The following PLEKHA6 variants were observed in gnomAD, a reference collection of about 807,000 sequenced individuals.
The protein encoded by PLEKHA6 is pleckstrin homology domain containing A6.
In PLEKHA6, 60 loss-of-function variants were observed where a neutral mutation model predicts 116.7. The ratio of observed to expected loss-of-function variants is 0.51; its 90% confidence interval spans 0.42 to 0.64. The LOEUF (loss-of-function observed/expected upper bound fraction) is 0.64, where lower values mean the gene tolerates loss of function less well. PLEKHA6 is among the 30% of genes least tolerant of loss of function. The pLI, the probability that PLEKHA6 is intolerant of heterozygous loss-of-function variation, is 0.00. For synonymous variants in PLEKHA6, 489 were observed against 556.1 expected (o/e 0.88, Z 1.70); for missense variants, 1,338 against 1,422.7 (o/e 0.94, Z 0.96).
chr1:204,310,055 A>G (rs956758303), intron 1 of PLEKHA6, among the ~76,000 whole-genome samples: 4 of 151,918 alleles, frequency 2.6e-5, no homozygotes, highest in African/African-American at 9.7e-5. Context: ...CCAAATATAA[A>G]CCCCATTCTT....
chr1:204,256,583 C>T (rs761986715), intron 9 of PLEKHA6, among the ~76,000 whole-genome samples: 1 of 152,172 alleles, frequency 6.6e-6, no homozygotes, highest in Admixed American at 6.6e-5. Context: ...CCCTCCTCCA[C>T]GGGCTGTGTC....
chr1:204,244,309 T>A lies in PLEKHA6; in HGVS notation c.2172+555A>T, dbSNP rs1401955832. On this transcript the variant is annotated intron_variant, in intron 15 of 22. Coordinates refer to ENST00000272203, the MANE Select transcript of PLEKHA6 (RefSeq NM_014935.5). ...ACCACGCTCAGCTAATTTTTGTATTTTTTTTTTTTTTTTAGTAAAGATGGG... is the reference window on the plus strand; with the variant it reads ...ACCACGCTCAGCTAATTTTTGTATTATTTTTTTTTTTTTAGTAAAGATGGG... 2.7e-5 allele frequency among the ~76,000 whole-genome samples: 4 copies of A among 147,220 alleles called. No individual in the cohort carries two copies. The East Asian group carries it at 7.9e-4, about 29-fold the overall frequency.
intron 1 of PLEKHA6, among the ~76,000 whole-genome samples, chr1:204,350,822 A>T (rs1450806624): frequency 6.6e-6 from 1 of 152,116 alleles, no homozygotes; most frequent in African/African-American, 2.4e-5. Context: ...GGCCAAGACG[A>T]CTCACACTGC....
chr1:204,253,685 C>G (rs1309002228), intron 9 of PLEKHA6, among the ~76,000 whole-genome samples: 3 of 151,912 alleles, frequency 2.0e-5, no homozygotes, highest in African/African-American at 2.4e-5. Flanking sequence ...TTTAATTAGC[C>G]AGGTGTGGTG....
chr1:204,357,095 AAG>A (rs1283736166), intron 1 of PLEKHA6, among the ~76,000 whole-genome samples: 1 of 152,238 alleles, frequency 6.6e-6, no homozygotes, highest in Non-Finnish European at 1.5e-5. Context: ...GACCACGTAA[AAG>A]AGAGAGGTGA....
At chr1:204,310,832 G>A (rs936797757) in intron 1 of PLEKHA6, among the ~76,000 whole-genome samples, 1 of 152,156 alleles carries the variant, frequency 6.6e-6, no homozygotes, top group Non-Finnish European at 1.5e-5. Context: ...AAAGACTTTG[G>A]GAGAAAAAAT....
chr1:204,367,247 G>A (rs1489495296), intron 3 of PLEKHA6, among the ~76,000 whole-genome samples: 2 of 152,216 alleles, frequency 1.3e-5, no homozygotes, highest in Admixed American at 1.3e-4. Context: ...GGGCTCCCCA[G>A]CCCACAGAGG....
At chr1:204,272,894 T>C (rs541814576) in intron 3 of PLEKHA6, among the ~76,000 whole-genome samples, 65 of 152,336 alleles carry the variant, frequency 4.3e-4, no homozygotes, top group African/African-American at 1.5e-3. Flanking sequence ...TGTGATGATA[T>C]ACTACCATTT....
Position 204,257,653 on chromosome 1 carries a change from C to G in PLEKHA6, c.1224G>C (p.Glu408Asp). ...GCCCGTAGCTGGCGGGCTCCTTCCA[C>G]TCTCGCAGCTGGTAGGCAGGGCCAC... ...NGGGPAYQLR[E>D]WKEPASYGRQ... Residue 408 changes from glutamate to aspartate, a missense_variant, in exon 9 of 23, where the codon GAG (glutamate) becomes GAC (aspartate). Glu to Asp is a conservative substitution (Grantham distance 45). Transcript: ENST00000272203. This position sits in a 1 kb window ranked among gnomAD's most constrained non-coding sequence, Gnocchi z 6.5. 6.2e-7 allele frequency: 1 copy of G among 1,610,246 alleles called. No individual in the cohort carries two copies. Among genetic ancestry groups the G allele is most frequent in the Non-Finnish European group, 8.5e-7 (1 of 1,178,382 alleles).
chr1:204,245,857 C>T, intron 13 of PLEKHA6, 131 bp from the exon 14 acceptor site: 1 of 524,676 alleles, frequency 1.9e-6, no homozygotes. Flanking sequence ...TACACACACA[C>T]ACACACACAC....
intron 1 of PLEKHA6, among the ~76,000 whole-genome samples, chr1:204,287,131 G>A (rs145415406): frequency 6.8e-4 from 103 of 152,116 alleles, no homozygotes; most frequent in Non-Finnish European, 1.3e-3. Context: ...CTATGTCATC[G>A]AATCTCTTTC....
chr1:204,262,937 T>C (rs1196747200), intron 6 of PLEKHA6, among the ~76,000 whole-genome samples: 2 of 151,656 alleles, frequency 1.3e-5, no homozygotes, highest in Non-Finnish European at 1.5e-5. Context: ...AGGGTTATTG[T>C]AGAGCGGAGA....
At chr1:204,285,362 T>C (rs1189359658) in intron 1 of PLEKHA6, among the ~76,000 whole-genome samples, 3 of 152,128 alleles carry the variant, frequency 2.0e-5, no homozygotes, top group Non-Finnish European at 4.4e-5. Flanking sequence ...AAGTTAAAAA[T>C]CAGAAATGAT....
At chr1:204,351,950 T>C (rs1348836818) in intron 1 of PLEKHA6, among the ~76,000 whole-genome samples, 1 of 152,218 alleles carries the variant, frequency 6.6e-6, no homozygotes, top group Non-Finnish European at 1.5e-5. Flanking sequence ...GGTGCATGTC[T>C]GTAATCCCAA....
chr1:204,279,121 G>T (rs181441300), intron 1 of PLEKHA6, among the ~76,000 whole-genome samples: 1 of 152,122 alleles, frequency 6.6e-6, no homozygotes, highest in East Asian at 1.9e-4. Context: ...GAAGGAGGAG[G>T]GGGTAGGGGC....
intron 1 of PLEKHA6, among the ~76,000 whole-genome samples, chr1:204,291,423 G>C (rs573043571): frequency 6.6e-6 from 1 of 152,140 alleles, no homozygotes; most frequent in East Asian, 1.9e-4. Context: ...TTCACTCCTA[G>C]GCATTTACCC....
chr1:204,371,816 C>T (rs1350863673), intron 1 of PLEKHA6, among the ~76,000 whole-genome samples: 1 of 152,196 alleles, frequency 6.6e-6, no homozygotes, highest in Non-Finnish European at 1.5e-5. Flanking sequence ...GAATCCCTAA[C>T]CTCAAAGAAT....
intron 1 of PLEKHA6, among the ~76,000 whole-genome samples, chr1:204,291,055 G>A (rs568676441): frequency 4.7e-4 from 70 of 148,574 alleles, no homozygotes; most frequent in African/African-American, 1.7e-3. Context: ...GAAAATATTT[G>A]CAAACTATAT....
chr1:204,350,206 A>C (rs2103359497), intron 1 of PLEKHA6, among the ~76,000 whole-genome samples: 1 of 152,342 alleles, frequency 6.6e-6, no homozygotes, highest in East Asian at 1.9e-4. Context: ...GTGTAGTCCC[A>C]GCTCCTTGGG....
Sources: gnomAD v4.1 joint callset for allele counts (sites outside exome capture counted in the v4.1 genomes callset) on GRCh38, gnomAD v4.1.1 for gene constraint, Gnocchi (gnomAD v3.1) non-coding constraint, MANE v1.5 for transcripts, NCBI Gene and HGNC (gene_info 2026-07-23, HGNC 2026-07-21) for gene names.